The following SLC5A4 variants were observed in gnomAD, a reference collection of about 807,000 sequenced individuals.
SLC5A4 encodes probable glucose sensor protein SLC5A4.
A neutral mutation model predicts 70.3 loss-of-function variants in SLC5A4; 55 were observed. That is an observed-to-expected ratio of 0.78 (90% CI 0.63 to 0.98). SLC5A4 has a LOEUF of 0.98. SLC5A4 is among the 50% of genes least tolerant of loss of function. SLC5A4 has a pLI of 0.00. For synonymous variants in SLC5A4, 268 were observed against 305.7 expected, an observed-to-expected ratio of 0.88 and a Z score of 1.29; for missense variants, 735 against 839.2, an observed-to-expected ratio of 0.88 and a Z score of 1.53.
the SLC5A4 span, among the ~76,000 whole-genome samples, chr22:32,276,512 G>T: frequency 1.3e-5 from 2 of 152,158 alleles, no homozygotes; most frequent in African/African-American, 4.8e-5. Context: ...TATTGCAATA[G>T]CTCCATTTGC....
chr22:32,225,475 A>G (rs575122704), intron 12 of SLC5A4, among the ~76,000 whole-genome samples, 180 bp downstream of exon 12: 1 of 152,306 alleles, frequency 6.6e-6, no homozygotes, highest in Non-Finnish European at 1.5e-5. Context: ...CTGTACTATG[A>G]ATGTGCGCTA....
At chr22:32,270,829 T>C in the SLC5A4 span, 1 of 566,648 alleles carries the variant, frequency 1.8e-6, no homozygotes, top group African/African-American at 1.9e-5. Context: ...CACACTCCTA[T>C]AGTGGCTGCC....
the SLC5A4 span, among the ~76,000 whole-genome samples, chr22:32,324,845 G>C: frequency 6.6e-6 from 1 of 152,216 alleles, no homozygotes; most frequent in Non-Finnish European, 1.5e-5. Context: ...CAGCCCATCA[G>C]CCCACAGTAG....
chr22:32,354,560 G>A, the SLC5A4 span, among the ~76,000 whole-genome samples: 7 of 151,550 alleles, frequency 4.6e-5, no homozygotes, highest in African/African-American at 1.5e-4. Context: ...CAACTCGCCC[G>A]CCGGCCACGG....
At chr22:32,221,864 C>A (rs924845985) in intron 13 of SLC5A4, among the ~76,000 whole-genome samples, 3 of 152,206 alleles carry the variant, frequency 2.0e-5, no homozygotes, top group African/African-American at 7.2e-5. Context: ...AATTCTCCTG[C>A]CTCAGCCTCA....
At chr22:32,287,696 G>A in the SLC5A4 span, among the ~76,000 whole-genome samples, 21 of 150,354 alleles carry the variant, frequency 1.4e-4, no homozygotes, top group Non-Finnish European at 1.0e-4. Context: ...ATATTGGTCA[G>A]ACTGGTCTCA....
chr22:32,231,131 C>G, intron 9 of SLC5A4, 56 bp from the exon 10 acceptor site: 1 of 1,001,510 alleles, frequency 1.0e-6, no homozygotes, highest in Non-Finnish European at 1.6e-6. Flanking sequence ...AAACCAACAA[C>G]CATTAAACAA....
chr22:32,270,364 C>T, the SLC5A4 span: 2 of 1,394,618 alleles, frequency 1.4e-6, no homozygotes, highest in South Asian at 1.2e-5. Flanking sequence ...GAAGAGCATC[C>T]AGCCCCAGGT....
At chr22:32,313,202 CATCAG>C in the SLC5A4 span, among the ~76,000 whole-genome samples, 21 of 152,302 alleles carry the variant, frequency 1.4e-4, no homozygotes, top group African/African-American at 4.8e-4. Context: ...ACCTGTAAGA[CATCAG>C]ATCAATTTAT....
chr22:32,344,965 T>C, the SLC5A4 span, among the ~76,000 whole-genome samples: 1 of 152,154 alleles, frequency 6.6e-6, no homozygotes, highest in Middle Eastern at 3.2e-3. Flanking sequence ...ATACAGCTAA[T>C]TTAAGAAAAA....
the SLC5A4 span, among the ~76,000 whole-genome samples, chr22:32,320,048 G>A: frequency 2.6e-5 from 4 of 152,196 alleles, no homozygotes; most frequent in African/African-American, 7.2e-5. Context: ...CGGGAAGGGA[G>A]AATCTAAACA....
the SLC5A4 span, among the ~76,000 whole-genome samples, chr22:32,306,829 G>A: frequency 0.33 from 50,615 of 152,024 alleles, 8,577 homozygotes; most frequent in Admixed American, 0.42. Context: ...TATGATGTAT[G>A]CTACTAGCTT....
chr22:32,242,041 C>T (rs994667709), intron 5 of SLC5A4, among the ~76,000 whole-genome samples: 5 of 151,226 alleles, frequency 3.3e-5, no homozygotes, highest in Admixed American at 6.6e-5. Flanking sequence ...TGTATATGTA[C>T]GTGTATAGCT....
the SLC5A4 span, among the ~76,000 whole-genome samples, chr22:32,353,889 G>A: frequency 3.0e-3 from 456 of 150,688 alleles, 2 homozygotes; most frequent in Non-Finnish European, 4.1e-3. Flanking sequence ...CCCCAACTGC[G>A]GGAAGTGCAA....
the SLC5A4 span, among the ~76,000 whole-genome samples, chr22:32,337,868 A>G: frequency 1.3e-5 from 2 of 152,220 alleles, no homozygotes; most frequent in Non-Finnish European, 2.9e-5. Flanking sequence ...AGGTAAATGT[A>G]GCAAAAGAAC....
the SLC5A4 span, among the ~76,000 whole-genome samples, chr22:32,262,059 A>G: frequency 1.3e-5 from 2 of 152,204 alleles, no homozygotes; most frequent in Non-Finnish European, 2.9e-5. Context: ...CATTTGCTTT[A>G]TCCATTCATT....
intron 7 of SLC5A4, among the ~76,000 whole-genome samples, chr22:32,236,430 A>G (rs1926060360): frequency 6.6e-6 from 1 of 152,008 alleles, no homozygotes; most frequent in African/African-American, 2.4e-5. Flanking sequence ...AGTCATAATG[A>G]GGTTATGGAT....
At chr22:32,260,168 C>G (rs1927692457), upstream of SLC5A4, among the ~76,000 whole-genome samples, 2 of 152,168 alleles carry the variant, frequency 1.3e-5, no homozygotes, top group South Asian at 4.1e-4. Context: ...TCTCCAGGTC[C>G]CTGGGCCCCC....
At chr22:32,284,956 A>G in the SLC5A4 span, 1 of 152,290 alleles carries the variant, frequency 6.6e-6, no homozygotes, top group South Asian at 2.1e-4. Flanking sequence ...ATATTTGTGT[A>G]TTGGTTGCAA....
Sources: gnomAD v4.1 joint callset for allele counts (sites outside exome capture counted in the v4.1 genomes callset) on GRCh38, gnomAD v4.1.1 for gene constraint, MANE v1.5 for transcripts, NCBI Gene and HGNC (gene_info 2026-07-23, HGNC 2026-07-21) for gene names.